FAM110B: variants seen among roughly 807,000 people sequenced by gnomAD.
The protein encoded by FAM110B is family with sequence similarity 110 member B.
In FAM110B, 6 loss-of-function variants were observed where a neutral mutation model predicts 20.4. The ratio of observed to expected loss-of-function variants is 0.29; its 90% CI spans 0.16 to 0.58. The LOEUF is 0.58. Ranked by LOEUF, FAM110B falls within the 20% of genes least tolerant of loss-of-function variation. The pLI is 0.90. For synonymous variants in FAM110B, 226 were observed against 214.1 expected (o/e 1.06, Z -0.49); for missense variants, 434 against 498.2 (o/e 0.87, Z 1.23).
At chr8:58,037,974 A>G (rs1049353361) in intron 2 of FAM110B, among the ~76,000 whole-genome samples, 2 of 152,302 alleles carry the variant, frequency 1.3e-5, no homozygotes, top group African/African-American at 4.8e-5. Context: ...GGCATCACCA[A>G]TGTGTGACAC....
At chr8:58,043,558 T>C (rs1805261002) in intron 2 of FAM110B, among the ~76,000 whole-genome samples, 2 of 152,182 alleles carry the variant, frequency 1.3e-5, no homozygotes, top group South Asian at 4.1e-4. Context: ...ATGTGCCATA[T>C]TGGTATGCTG....
chr8:58,091,145 C>T (rs774541644), intron 3 of FAM110B, among the ~76,000 whole-genome samples: 6 of 152,124 alleles, frequency 3.9e-5, no homozygotes, highest in Non-Finnish European at 5.9e-5. Flanking sequence ...TAATGCCTCT[C>T]GAAAAGGTGA....
intron 2 of FAM110B, among the ~76,000 whole-genome samples, chr8:58,042,728 G>A (rs1805245516): frequency 6.6e-6 from 1 of 152,198 alleles, no homozygotes; most frequent in Non-Finnish European, 1.5e-5. Flanking sequence ...TGTTTCTTGT[G>A]TATGTTGTGT....
intron 1 of FAM110B, among the ~76,000 whole-genome samples, chr8:58,011,522 GA>G (rs1804533683): frequency 6.6e-6 from 1 of 152,108 alleles, no homozygotes; most frequent in Non-Finnish European, 1.5e-5. Flanking sequence ...AAGTGAACAC[GA>G]GATGTATGTT....
At chr8:58,134,043 T>C (rs1803553398) in intron 3 of FAM110B, among the ~76,000 whole-genome samples, 1 of 152,246 alleles carries the variant, frequency 6.6e-6, no homozygotes, top group Non-Finnish European at 1.5e-5. Context: ...TGTGCTGCAA[T>C]AAATAGGTGT....
chr8:58,025,722 C>G (rs933427416), intron 1 of FAM110B, among the ~76,000 whole-genome samples: 1 of 152,062 alleles, frequency 6.6e-6, no homozygotes, highest in African/African-American at 2.4e-5. Context: ...GCCAGGTGTC[C>G]CTACCTTAGC....
In FAM110B at chr8:58,045,272, CAT is replaced by C. The variant is rs559178480; in HGVS notation, c.-414+13573_-414+13574del. Among the ~76,000 whole-genome samples, 22 of 152,318 alleles carry C rather than the reference CAT, an allele frequency of 1.4e-4. No individual in the cohort carries two copies. In the East Asian group the frequency reaches 4.2e-3, roughly 29 times the overall value. On this transcript the variant is annotated intron_variant, in intron 2 of 3. Coordinates refer to ENST00000519262, the MANE Select transcript of FAM110B (RefSeq NM_001377989.1). ...CTGTGGCAGGGTGTCAGCAAAGTGA[CAT>C]ATAACCACACTCTCTCTCGCTACTG...
intron 3 of FAM110B, among the ~76,000 whole-genome samples, chr8:58,103,028 C>T (rs886754057): frequency 7.0e-6 from 1 of 142,274 alleles, no homozygotes; most frequent in Non-Finnish European, 1.5e-5. Context: ...AAAAAAAGGC[C>T]AATTGAATTA....
At chr8:58,133,498 ACTGTAAGGCAAGAGCC>A (rs1175346573) in intron 3 of FAM110B, among the ~76,000 whole-genome samples, 2 of 152,170 alleles carry the variant, frequency 1.3e-5, no homozygotes, top group Non-Finnish European at 2.9e-5. Context: ...GGGAATGAGG[ACTGTAAGGCAAGAGCC>A]CAGGAGGAAG....
chr8:58,089,931 T>C (rs1444397071), intron 3 of FAM110B, among the ~76,000 whole-genome samples: 1 of 152,206 alleles, frequency 6.6e-6, no homozygotes, highest in Non-Finnish European at 1.5e-5. Flanking sequence ...CAGGATTCAG[T>C]AGCAGACTTT....
At chr8:58,142,196 C>A (rs1481118598) in intron 3 of FAM110B, among the ~76,000 whole-genome samples, 1 of 152,200 alleles carries the variant, frequency 6.6e-6, no homozygotes, top group Non-Finnish European at 1.5e-5. Flanking sequence ...TAACTTTGGC[C>A]TGTTTCCTCT....
At chr8:58,047,283 G>A (rs568937209) in intron 2 of FAM110B, among the ~76,000 whole-genome samples, 1 of 152,264 alleles carries the variant, frequency 6.6e-6, no homozygotes, top group South Asian at 2.1e-4. Flanking sequence ...TGGCCCAGGA[G>A]TCTCAGCCTA....
chr8:58,146,502 G>T lies in FAM110B; in HGVS notation c.272G>T (p.Arg91Leu), dbSNP rs751156478. 1.2e-6 allele frequency: 2 copies of T among 1,613,714 alleles called. No homozygotes were observed. Among genetic ancestry groups the T allele is most frequent in the Non-Finnish European group, 1.7e-6 (2 of 1,179,896 alleles). The change falls in exon 4 of 4, where the codon CGC (arginine) becomes CTC (leucine). Residue 91 changes from arginine (R) to leucine (L), a missense_variant. Physicochemically the swap from Arg to Leu is moderately radical, Grantham distance 102. Around this residue, in one of 3 missense-constraint regions of FAM110B, gnomAD observed 284 missense variants for 278.3 expected, o/e 1.02. Transcript: ENST00000519262. The part of the protein sequence containing the change: ...AKPPVCPAAK[R>L]ALGSPTLKVF... Reference sequence around the variant, plus strand: ...CCCCCGGTGTGCCCGGCTGCCAAGCGCGCACTGGGCAGCCCCACGCTCAAA... The same window carrying T: ...CCCCCGGTGTGCCCGGCTGCCAAGCTCGCACTGGGCAGCCCCACGCTCAAA...
At chr8:58,107,814 G>A (rs1237293828) in intron 3 of FAM110B, among the ~76,000 whole-genome samples, 1 of 152,174 alleles carries the variant, frequency 6.6e-6, no homozygotes, top group Non-Finnish European at 1.5e-5. Flanking sequence ...GCTCTGAGGG[G>A]CCTCATTCTG....
At chr8:58,022,725 A>T (rs1804780517) in intron 1 of FAM110B, among the ~76,000 whole-genome samples, 1 of 152,182 alleles carries the variant, frequency 6.6e-6, no homozygotes, top group Non-Finnish European at 1.5e-5. Flanking sequence ...TATTAAGGAG[A>T]TGAATAGCTT....
Position 58,086,989 on chromosome 8 carries a change from G to A in FAM110B, c.-325+11366G>A, listed in dbSNP as rs137858247. 3.6e-3 allele frequency among the ~76,000 whole-genome samples: 544 copies of A among 152,310 alleles called. 3 individuals are homozygous for A. Among genetic ancestry groups the A allele is most frequent in the African/African-American group, 0.013 (526 of 41,562 alleles). Reference sequence around the variant, plus strand: ...GATGGGACACATAGCACGTGATCATGGGGCTAGATCTGAGCTCACACCATA... The same window carrying A: ...GATGGGACACATAGCACGTGATCATAGGGCTAGATCTGAGCTCACACCATA... On this transcript the variant is annotated intron_variant, in intron 3 of 3. Coordinates refer to ENST00000519262, the MANE Select transcript of FAM110B (RefSeq NM_001377989.1).
chr8:58,110,679 A>G lies in FAM110B; in HGVS notation c.-325+35056A>G, dbSNP rs191937949. On this transcript the variant is annotated intron_variant, in intron 3 of 3. Transcript: ENST00000519262. ...TTCAGAACTTGATTTCAACTGTATT[A>G]TTGGTCAACTATTACATTTCCTTTT... 2.6e-4 allele frequency among the ~76,000 whole-genome samples: 39 copies of G among 152,290 alleles called. 1 individual carries two copies. The highest frequency in any genetic ancestry group is 2.2e-3 in the Admixed American group (34 of 15,302).
rs1237376501 is a variant in FAM110B at position 58,146,377 on chromosome 8, C to T, written c.147C>T (p.Ser49=). 3 of 1,613,928 alleles carry T rather than the reference C, an allele frequency of 1.9e-6. No homozygotes were observed. Among genetic ancestry groups the T allele is most frequent in the African/African-American group, 1.3e-5 (1 of 74,924 alleles). The part of the protein sequence containing the change: ...RQAEPNPKRL[S]AVERLEADKA... ...CCGAGCCCAACCCCAAGAGGCTCAG[C>T]GCCGTGGAGAGGCTGGAGGCCGACA... Residue 49 remains serine, a synonymous_variant, in exon 4 of 4, where the codon AGC becomes AGT. Transcript: ENST00000519262.
intron 1 of FAM110B, among the ~76,000 whole-genome samples, chr8:58,008,895 G>A (rs1249230629): frequency 6.6e-6 from 1 of 152,136 alleles, no homozygotes; most frequent in African/African-American, 2.4e-5. Context: ...CCTCATCCTA[G>A]TTTTTCTTCT....
Sources: gnomAD v4.1 joint callset for allele counts (sites outside exome capture counted in the v4.1 genomes callset) on GRCh38, gnomAD v4.1.1 for gene constraint, gnomAD v4.1.1 regional missense constraint, MANE v1.5 for transcripts, NCBI Gene and HGNC (gene_info 2026-07-23, HGNC 2026-07-21) for gene names.